FOXP1: variants seen among roughly 807,000 people sequenced by gnomAD.
FOXP1 encodes the protein forkhead box protein P1.
In FOXP1, 15 loss-of-function variants were observed where a neutral mutation model predicts 98.2. The observed-to-expected ratio is 0.15, with a 90% CI of 0.10 to 0.24. The LOEUF (loss-of-function observed/expected upper bound fraction) is 0.24. Ranked by LOEUF, FOXP1 falls within the 10% of genes least tolerant of loss-of-function variation. The pLI, the probability that FOXP1 is intolerant of heterozygous loss-of-function variation, is 1.00. For missense variants in FOXP1, 633 were observed against 848.5 expected (o/e 0.75, Z 3.15); for synonymous variants, 371 against 314.5 (o/e 1.18, Z -1.90).
chr3:71,240,781 A>G (rs980696110), intron 5 of FOXP1, among the ~76,000 whole-genome samples: 42 of 151,452 alleles, frequency 2.8e-4, no homozygotes, highest in Admixed American at 2.1e-3. Context: ...TCCTGACCTC[A>G]TGATCTGCCC....
chr3:71,448,072 A>G lies in FOXP1; in HGVS notation c.-168+45354T>C, dbSNP rs1467379573. Among the ~76,000 whole-genome samples the G allele has an allele frequency of 1.3e-5, 2 of 152,160 alleles. 1 individual carries two copies. Among genetic ancestry groups the G allele is most frequent in the East Asian group, 3.9e-4 (2 of 5,190 alleles). ...CCTTCACGGGTTGATGCCTCTAAAC[A>G]ACGCTTCCCTGCCGAGGAATGTGAA... is the stretch of plus-strand genomic sequence containing the variant. On this transcript the variant is annotated intron_variant, in intron 3 of 20. Transcript: ENST00000649528.
chr3:71,371,464 T>C (rs900948712), intron 3 of FOXP1, among the ~76,000 whole-genome samples: 3 of 152,172 alleles, frequency 2.0e-5, no homozygotes, highest in South Asian at 2.1e-4. Context: ...CAGAAGTCAC[T>C]GCCTCCAACT....
intron 3 of FOXP1, among the ~76,000 whole-genome samples, chr3:71,407,907 C>T (rs944898302): frequency 5.9e-5 from 9 of 152,136 alleles, no homozygotes; most frequent in Admixed American, 5.2e-4. Flanking sequence ...GCTTTGTGCC[C>T]GCTTCCCCAG....
At chr3:70,973,822 C>T (rs1391741639) in intron 17 of FOXP1, among the ~76,000 whole-genome samples, 1 of 133,086 alleles carries the variant, frequency 7.5e-6, no homozygotes, top group Non-Finnish European at 1.6e-5. Context: ...ATTGCACAAG[C>T]GTTTTGCACA....
intron 3 of FOXP1, among the ~76,000 whole-genome samples, chr3:71,459,504 G>A (rs1281023523): frequency 2.0e-5 from 3 of 152,150 alleles, no homozygotes; most frequent in Non-Finnish European, 4.4e-5. Context: ...CCTTCCTAAC[G>A]CAGCTTTTTT....
chr3:71,151,659 CA>C (rs1291074710), intron 6 of FOXP1, among the ~76,000 whole-genome samples: 1 of 63,770 alleles, frequency 1.6e-5, no homozygotes, highest in African/African-American at 4.4e-5. Context: ...ATGTCTAAAA[CA>C]TTTTTTTTTT....
chr3:71,291,641 A>G (rs1489465610), intron 5 of FOXP1, among the ~76,000 whole-genome samples: 1 of 152,126 alleles, frequency 6.6e-6, no homozygotes, highest in African/African-American at 2.4e-5. Context: ...TTTACTGCAT[A>G]CACATAAAAT....
intron 10 of FOXP1, 84 bp downstream of exon 10, chr3:71,046,858 C>T (rs749390992): frequency 2.7e-6 from 4 of 1,460,176 alleles, no homozygotes; most frequent in Non-Finnish European, 3.8e-6. Flanking sequence ...TGGACAATGT[C>T]CTTAACAAAT....
chr3:71,354,280 GA>G (rs541544044), intron 4 of FOXP1, among the ~76,000 whole-genome samples: 9 of 145,148 alleles, frequency 6.2e-5, no homozygotes, highest in Non-Finnish European at 6.1e-5. Context: ...TCCGTCTCCA[GA>G]AAAAAAAAAA....
chr3:71,376,651 G>T (rs1250770265), intron 3 of FOXP1, among the ~76,000 whole-genome samples: 1 of 152,180 alleles, frequency 6.6e-6, no homozygotes, highest in Non-Finnish European at 1.5e-5. Flanking sequence ...GGGCTCACGG[G>T]AAACAACACC....
chr3:71,073,986 C>A (rs1479144076), intron 7 of FOXP1, among the ~76,000 whole-genome samples: 1 of 152,122 alleles, frequency 6.6e-6, no homozygotes, highest in Non-Finnish European at 1.5e-5. Context: ...AAAGAAGCCA[C>A]CAATCACAAA....
intron 3 of FOXP1, among the ~76,000 whole-genome samples, chr3:71,462,198 A>AATGAGACTC (rs2088205481): frequency 6.6e-6 from 1 of 152,220 alleles, no homozygotes; most frequent in South Asian, 2.1e-4. Flanking sequence ...TGCTCATTAA[A>AATGAGACTC]ATGAGACTCA....
At chr3:71,196,679 T>G (rs1295340606) in intron 6 of FOXP1, among the ~76,000 whole-genome samples, 1 of 152,216 alleles carries the variant, frequency 6.6e-6, no homozygotes, top group Non-Finnish European at 1.5e-5. Flanking sequence ...GAACATCACA[T>G]GAACATGTAC....
At chr3:71,573,235 C>T (rs988144025) in intron 2 of FOXP1, among the ~76,000 whole-genome samples, 1 of 152,128 alleles carries the variant, frequency 6.6e-6, no homozygotes, top group Non-Finnish European at 1.5e-5. Context: ...TTTGAGTTGA[C>T]ATAAATACAC....
chr3:71,465,309 G>GAAAAAA (rs869106717), intron 3 of FOXP1, among the ~76,000 whole-genome samples: 1 of 112,188 alleles, frequency 8.9e-6, no homozygotes, highest in African/African-American at 3.3e-5. Context: ...CTCTGTCTCA[G>GAAAAAA]AAAAAAAAAA....
chr3:71,577,595 T>A (rs571387839), intron 2 of FOXP1, among the ~76,000 whole-genome samples: 1 of 152,122 alleles, frequency 6.6e-6, no homozygotes, highest in South Asian at 2.1e-4. Context: ...AGAAGAGAAA[T>A]ATGTTGAAAA....
chr3:71,458,829 G>A (rs182417282), intron 3 of FOXP1, among the ~76,000 whole-genome samples: 51 of 152,254 alleles, frequency 3.3e-4, no homozygotes, highest in African/African-American at 1.2e-3. Flanking sequence ...ATGGGATTTG[G>A]GCACCGTAGG....
chr3:71,428,070 C>T (rs1006173738), intron 3 of FOXP1, among the ~76,000 whole-genome samples: 1 of 152,218 alleles, frequency 6.6e-6, no homozygotes, highest in African/African-American at 2.4e-5. Context: ...CATCTTCAGG[C>T]ACTGCTATCA....
chr3:71,574,815 C>G (rs1219209070), intron 2 of FOXP1, among the ~76,000 whole-genome samples: 1 of 152,134 alleles, frequency 6.6e-6, no homozygotes, highest in Non-Finnish European at 1.5e-5. Context: ...TGGTGAAAAC[C>G]ACCGATGTTC....
Sources: gnomAD v4.1 joint callset for allele counts (sites outside exome capture counted in the v4.1 genomes callset) on GRCh38, gnomAD v4.1.1 for gene constraint, MANE v1.5 for transcripts, NCBI Gene and HGNC (gene_info 2026-07-23, HGNC 2026-07-21) for gene names.